CEP83: variants seen among roughly 807,000 people sequenced by gnomAD.
The protein encoded by CEP83 is centrosomal protein of 83 kDa.
A neutral mutation model predicts 101.9 loss-of-function variants in CEP83; 70 were observed. The ratio of observed to expected loss-of-function variants is 0.69; its 90% CI spans 0.57 to 0.84. The LOEUF (loss-of-function observed/expected upper bound fraction) is 0.84, where lower values mean the gene tolerates loss of function less well. CEP83 is among the 40% of genes least tolerant of loss of function. CEP83 has a pLI of 0.00. For missense variants in CEP83, 715 were observed against 787.2 expected (o/e 0.91, Z 1.10); for synonymous variants, 264 against 267.9 (o/e 0.99, Z 0.14).
At chr12:94,428,464 G>T (rs112195751) in intron 2 of CEP83, among the ~76,000 whole-genome samples, 1 of 152,114 alleles carries the variant, frequency 6.6e-6, no homozygotes, top group African/African-American at 2.4e-5. Context: ...CCTGAAAATT[G>T]TTTTTTAAAT....
intron 2 of CEP83, among the ~76,000 whole-genome samples, chr12:94,431,272 TCA>T (rs2065600990): frequency 6.6e-6 from 1 of 152,030 alleles, no homozygotes; most frequent in Non-Finnish European, 1.5e-5. Flanking sequence ...TCCCTACCTC[TCA>T]CATATACAAA....
chr12:94,266,108 A>T, the CEP83 span, among the ~76,000 whole-genome samples: 1 of 152,274 alleles, frequency 6.6e-6, no homozygotes, highest in East Asian at 1.9e-4. Context: ...TCATTAAGAG[A>T]GCTGAGTCTT....
At chr12:94,272,794 G>A in the CEP83 span, among the ~76,000 whole-genome samples, 1 of 152,232 alleles carries the variant, frequency 6.6e-6, no homozygotes, top group African/African-American at 2.4e-5. Context: ...ATGTCCTTGG[G>A]TGGCACCGGA....
At chr12:94,409,747 G>C (rs534131011) in intron 4 of CEP83, among the ~76,000 whole-genome samples, 1 of 152,228 alleles carries the variant, frequency 6.6e-6, no homozygotes, top group South Asian at 2.1e-4. Flanking sequence ...AATCTGCAGG[G>C]AAGAAACTTT....
chr12:94,322,337 C>G (rs1157067572), intron 14 of CEP83, among the ~76,000 whole-genome samples: 2 of 152,008 alleles, frequency 1.3e-5, no homozygotes. Flanking sequence ...TGTTGCTAGC[C>G]AAAAAACACT....
chr12:94,455,019 G>A (rs1414552117), intron 1 of CEP83, among the ~76,000 whole-genome samples: 1 of 151,400 alleles, frequency 6.6e-6, no homozygotes, highest in Non-Finnish European at 1.5e-5. Context: ...ACATCTGAAG[G>A]AACAAACTCC....
Position 94,414,784 on chromosome 12 carries a change from T to C in CEP83, c.-101-2193A>G, listed in dbSNP as rs557651222. On this transcript the variant is annotated intron_variant, in intron 2 of 16. Coordinates refer to ENST00000397809, the MANE Select transcript of CEP83 (RefSeq NM_016122.3). The stretch of plus-strand genomic sequence containing the variant: ...TTGGGGGTTAATAAATATGTTTGGT[T>C]CCACATTAAAAATTATTCTGTGGAA... Among the ~76,000 whole-genome samples the C allele has an allele frequency of 8.0e-4, 122 of 152,320 alleles. 1 individual carries two copies. Among genetic ancestry groups the C allele is most frequent in the African/African-American group, 2.9e-3 (119 of 41,592 alleles).
At chr12:94,440,982 A>G (rs574326412) in intron 1 of CEP83, among the ~76,000 whole-genome samples, 59 of 152,346 alleles carry the variant, frequency 3.9e-4, no homozygotes, top group African/African-American at 1.3e-3. Flanking sequence ...AGCCACATGT[A>G]AAAGAATGAA....
intron 2 of CEP83, among the ~76,000 whole-genome samples, chr12:94,413,096 T>C (rs2064011820): frequency 6.6e-6 from 1 of 151,962 alleles, no homozygotes; most frequent in African/African-American, 2.4e-5. Flanking sequence ...TCAGGCATTC[T>C]GCCTGCCTCG....
rs1037710587 is a variant in CEP83 at position 94,341,130 on chromosome 12, G to A, written c.1344-5466C>T. 6.6e-5 allele frequency among the ~76,000 whole-genome samples: 10 copies of A among 151,954 alleles called. 1 individual carries two copies. Among genetic ancestry groups the A allele is most frequent in the African/African-American group, 1.7e-4 (7 of 41,356 alleles). ...TTTGCAAATTGAATAAATGTGCAGCGGAGCAGCCTTTTGAAATACAGTACT... is the reference window on the plus strand; with the variant it reads ...TTTGCAAATTGAATAAATGTGCAGCAGAGCAGCCTTTTGAAATACAGTACT... On this transcript the variant is annotated intron_variant, in intron 11 of 16. Coordinates refer to ENST00000397809, the MANE Select transcript of CEP83 (RefSeq NM_016122.3).
intron 11 of CEP83, among the ~76,000 whole-genome samples, chr12:94,348,281 G>A (rs1007059316): frequency 6.6e-6 from 1 of 152,054 alleles, no homozygotes; most frequent in Non-Finnish European, 1.5e-5. Flanking sequence ...GCCGTCAGAA[G>A]TTGACAATGA....
intron 1 of CEP83, among the ~76,000 whole-genome samples, chr12:94,444,325 G>A (rs966133831): frequency 2.6e-5 from 4 of 152,138 alleles, no homozygotes; most frequent in Non-Finnish European, 4.4e-5. Flanking sequence ...TTGAACGTGG[G>A]ATGCAGAGGT....
At chr12:94,268,001 G>A in the CEP83 span, among the ~76,000 whole-genome samples, 1 of 152,112 alleles carries the variant, frequency 6.6e-6, no homozygotes, top group East Asian at 1.9e-4. Flanking sequence ...TGCTGGGGAG[G>A]TGGGAGGTTG....
At chr12:94,424,990 C>CGAGG (rs2065075238) in intron 2 of CEP83, 1 of 1,242,212 alleles carries the variant, frequency 8.1e-7, no homozygotes, top group Admixed American at 2.1e-5. Context: ...TGTTAGGGAA[C>CGAGG]GAGTGAGAGA....
chr12:94,266,549 C>CTA, the CEP83 span, among the ~76,000 whole-genome samples: 4 of 152,222 alleles, frequency 2.6e-5, no homozygotes, highest in Admixed American at 2.0e-4. Context: ...ATTCACTTCC[C>CTA]TAACCAGCTT....
downstream of CEP83, chr12:94,303,697 T>C: frequency 1.0e-6 from 1 of 995,642 alleles, no homozygotes; most frequent in Non-Finnish European, 1.3e-6. Flanking sequence ...CTCCATCTTT[T>C]TTTTTTTTTT....
At chr12:94,392,259 T>C (rs967409960) in intron 6 of CEP83, among the ~76,000 whole-genome samples, 1 of 152,144 alleles carries the variant, frequency 6.6e-6, no homozygotes, top group Admixed American at 6.5e-5. Flanking sequence ...CCTCAGCAAA[T>C]GCAAAAGAAC....
intron 11 of CEP83, among the ~76,000 whole-genome samples, chr12:94,345,157 C>T (rs1303972474): frequency 6.6e-6 from 1 of 152,000 alleles, no homozygotes; most frequent in Admixed American, 6.6e-5. Flanking sequence ...AAGGTAAAAA[C>T]CAAATATTAA....
intron 11 of CEP83, among the ~76,000 whole-genome samples, chr12:94,343,503 G>T (rs1380395165): frequency 1.5e-4 from 13 of 84,234 alleles, no homozygotes; most frequent in East Asian, 1.1e-3. Context: ...TTTTTTTTGA[G>T]ACGGAGTCTC....
Sources: gnomAD v4.1 joint callset for allele counts (sites outside exome capture counted in the v4.1 genomes callset) on GRCh38, gnomAD v4.1.1 for gene constraint, MANE v1.5 for transcripts, NCBI Gene and HGNC (gene_info 2026-07-23, HGNC 2026-07-21) for gene names.